ITSN2: variants seen among roughly 807,000 people sequenced by gnomAD.
ITSN2 encodes the protein intersectin-2.
ITSN2 carries 156 observed loss-of-function variants against 243.7 expected under a neutral mutation model. The ratio of observed to expected loss-of-function variants is 0.64; its 90% CI spans 0.56 to 0.73. The LOEUF (loss-of-function observed/expected upper bound fraction) is 0.73. Among genes scored for constraint, ITSN2 ranks in the 30% least tolerant of loss-of-function variants. The probability of loss-of-function intolerance (pLI) is 0.00; values close to 1 mark genes in which losing one functional copy is unlikely to be tolerated. For missense variants in ITSN2, 1,801 were observed against 1,996.1 expected, an observed-to-expected ratio of 0.90 and a Z score of 1.86; for synonymous variants, 703 against 699.9, an observed-to-expected ratio of 1.00 and a Z score of -0.07.
At chr2:24,252,643 T>C (rs1287179953) in intron 24 of ITSN2, 132 bp from the exon 25 acceptor site, 1 of 473,000 alleles carries the variant, frequency 2.1e-6, no homozygotes, top group East Asian at 3.4e-5. Flanking sequence ...AAACCTAACA[T>C]AAAAAGATCT....
chr2:24,291,602 G>A (rs1222157570), intron 15 of ITSN2, among the ~76,000 whole-genome samples: 2 of 150,002 alleles, frequency 1.3e-5, no homozygotes, highest in African/African-American at 2.5e-5. Flanking sequence ...TGATTCTCCT[G>A]CCTCAGCCTC....
chr2:24,275,684 T>C (rs184403271), intron 18 of ITSN2, 29 bp downstream of exon 18: 181 of 1,572,012 alleles, frequency 1.2e-4, no homozygotes, highest in African/African-American at 3.7e-4. Flanking sequence ...AATGGCAATA[T>C]AGCACAATAA....
chr2:24,288,009 T>A (rs999060464), intron 15 of ITSN2, among the ~76,000 whole-genome samples: 7 of 152,142 alleles, frequency 4.6e-5, no homozygotes, highest in African/African-American at 7.2e-5. Context: ...CTTGATTGTT[T>A]CCTTTACTGT....
chr2:24,298,734 A>G lies in ITSN2; in HGVS notation c.1425T>C (p.Asn475=), dbSNP rs753339407. 7 of 1,612,634 alleles carry G rather than the reference A, an allele frequency of 4.3e-6. No homozygotes were observed. The highest frequency in any genetic ancestry group is 5.9e-6 in the Non-Finnish European group (7 of 1,179,326). ...ACCTGACAATTTCTTCTTGTTCTCT[A>G]TTCTTTTGATTGAGAAGCTCCTGTC... The part of the protein sequence containing the change: ...IRRQELLNQK[N]REQEEIVRLN... The change falls in exon 13 of 40, where the codon AAT becomes AAC. Residue 475 remains asparagine (N), a synonymous_variant. Transcript: ENST00000355123.
At chr2:24,271,026 A>C (rs968808812) in intron 19 of ITSN2, among the ~76,000 whole-genome samples, 1 of 152,180 alleles carries the variant, frequency 6.6e-6, no homozygotes, top group Non-Finnish European at 1.5e-5. Context: ...ACACATGGGT[A>C]GAAAGGAAAG....
rs138517130 is a variant in ITSN2 at position 24,208,254 on chromosome 2, C to T, written c.4661G>A (p.Arg1554His). The change falls in exon 37 of 40, where the codon CGT (arginine) becomes CAT (histidine). Residue 1554 changes from arginine to histidine, a missense_variant. Transcript: ENST00000355123. ...CCTGATACCTTGGTAAGCTTTCTCA[C>T]GCTTCTTCTTCTCGGTGTCGATGTA... The part of the protein sequence containing the change: ...EQYIDTEKKK[R>H]EKAYQARSQK... 2.0e-3 allele frequency: 3,218 copies of T among 1,612,586 alleles called. 17 individuals are homozygous for T. The highest frequency in any genetic ancestry group is 0.015 in the Middle Eastern group (90 of 6,056).
At chr2:24,283,415 G>A (rs188468102) in intron 17 of ITSN2, among the ~76,000 whole-genome samples, 85 of 152,154 alleles carry the variant, frequency 5.6e-4, no homozygotes, top group African/African-American at 2.0e-3. Context: ...TAGTAGAGAC[G>A]GGGTTTCACC....
chr2:24,254,270 T>G, intron 24 of ITSN2, 97 bp downstream of exon 24: 2 of 810,244 alleles, frequency 2.5e-6, no homozygotes, highest in East Asian at 4.9e-5. Flanking sequence ...ATGGGGAGAA[T>G]ATGCAACTAT....
intron 15 of ITSN2, among the ~76,000 whole-genome samples, chr2:24,291,137 T>C (rs1301838404): frequency 6.6e-6 from 1 of 152,152 alleles, no homozygotes; most frequent in Non-Finnish European, 1.5e-5. Context: ...CTTTTTTTTT[T>C]ATTTTGTTTT....
chr2:24,214,708 T>C (rs575753297), intron 32 of ITSN2, among the ~76,000 whole-genome samples: 5 of 152,196 alleles, frequency 3.3e-5, no homozygotes, highest in Admixed American at 6.5e-5. Context: ...TTCTTGGATA[T>C]ATTGATATAA....
chr2:24,318,266 C>T (rs1025574101), intron 2 of ITSN2, among the ~76,000 whole-genome samples: 1 of 152,138 alleles, frequency 6.6e-6, no homozygotes, highest in African/African-American at 2.4e-5. Flanking sequence ...CCACCTCAGC[C>T]GCCTGAGTAG....
intron 23 of ITSN2, among the ~76,000 whole-genome samples, chr2:24,256,188 C>T (rs11676939): frequency 0.56 from 85,543 of 152,072 alleles, 24,972 homozygotes; most frequent in East Asian, 0.74. Flanking sequence ...TGCGCCACTG[C>T]GCTCCAGCCT....
In ITSN2 at chr2:24,313,454, C is replaced by T; in HGVS notation, c.188+6G>A. The T allele has an allele frequency of 6.2e-7, 1 of 1,609,414 alleles. No homozygotes were observed. The highest frequency in any genetic ancestry group is 8.5e-7 in the Non-Finnish European group (1 of 1,177,590). On this transcript the variant is annotated splice_donor_region_variant and intron_variant, in intron 4 of 39. Coordinates refer to ENST00000355123, the MANE Select transcript of ITSN2 (RefSeq NM_006277.3). Reference sequence around the variant, plus strand: ...GAAAATTAGGTTCATCTACAAAACACTTTACCATATTTCAGCTAAAACAGG... The same window carrying T: ...GAAAATTAGGTTCATCTACAAAACATTTTACCATATTTCAGCTAAAACAGG...
chr2:24,204,871 T>C lies in ITSN2; in HGVS notation c.4762+343A>G, dbSNP rs1668704317. The C allele has an allele frequency of 5.0e-6, 2 of 396,530 alleles. No individual in the cohort carries two copies. Among genetic ancestry groups the C allele is most frequent in the Admixed American group, 2.8e-5 (1 of 35,588 alleles). The allele number at this position is 396,530 out of a possible 1,614,324, so 24.6% of individuals were successfully genotyped here. Reference sequence around the variant, plus strand: ...TCAGTGGCTGGGCGCAGTGGCACTTTGTCAGTGACAAAGTGCTGTAATCCC... The same window carrying C: ...TCAGTGGCTGGGCGCAGTGGCACTTCGTCAGTGACAAAGTGCTGTAATCCC... On this transcript the variant is annotated intron_variant, in intron 38 of 39. Coordinates refer to ENST00000355123, the MANE Select transcript of ITSN2 (RefSeq NM_006277.3). This position sits in a 1 kb window ranked among gnomAD's most constrained non-coding sequence, Gnocchi z 5.1.
chr2:24,293,351 G>A (rs1271451795), intron 15 of ITSN2: 6 of 188,030 alleles, frequency 3.2e-5, no homozygotes, highest in Non-Finnish European at 6.5e-5. Context: ...TAAAATCAGT[G>A]CAGGACTTTT....
intron 1 of ITSN2, among the ~76,000 whole-genome samples, chr2:24,342,538 TC>T (rs1687142959): frequency 1.4e-5 from 2 of 148,134 alleles, no homozygotes; most frequent in African/African-American, 5.0e-5. Context: ...CTCCTTGATC[TC>T]GTAGGCCCTC....
At chr2:24,291,547 C>T (rs1299059633) in intron 15 of ITSN2, among the ~76,000 whole-genome samples, 2 of 143,720 alleles carry the variant, frequency 1.4e-5, no homozygotes, top group Non-Finnish European at 3.0e-5. Flanking sequence ...TGGAGGGCAG[C>T]GGTGCGATCT....
chr2:24,209,216 A>G lies in ITSN2; in HGVS notation c.4479T>C (p.Ile1493=). ...NAQFKMYKTP[I]FLNEVLVKLP... Reference sequence around the variant, plus strand: ...GTTTCACCAAGACTTCATTCAGGAAAATGGGCTGAAAGAATTAGGGCCAAA... The same window carrying G: ...GTTTCACCAAGACTTCATTCAGGAAGATGGGCTGAAAGAATTAGGGCCAAA... The change falls in exon 36 of 40, where the codon ATT becomes ATC. Residue 1493 remains isoleucine, a synonymous_variant. Transcript: ENST00000355123. 6.2e-7 allele frequency: 1 copy of G among 1,614,058 alleles called. No individual in the cohort carries two copies.
intron 5 of ITSN2, among the ~76,000 whole-genome samples, chr2:24,311,904 G>A (rs1326071555): frequency 6.6e-6 from 1 of 152,164 alleles, no homozygotes; most frequent in Admixed American, 6.5e-5. Flanking sequence ...ACTAAGAATA[G>A]TATTTGGGAT....
Sources: gnomAD v4.1 joint callset for allele counts (sites outside exome capture counted in the v4.1 genomes callset) on GRCh38, gnomAD v4.1.1 for gene constraint, Gnocchi (gnomAD v3.1) non-coding constraint, MANE v1.5 for transcripts, NCBI Gene and HGNC (gene_info 2026-07-23, HGNC 2026-07-21) for gene names.